ALG12: variants seen among roughly 807,000 people sequenced by gnomAD.
The protein encoded by ALG12 is ALG12 alpha-1,6-mannosyltransferase.
ALG12 carries 36 observed loss-of-function variants against 46.0 expected under a neutral mutation model. The ratio of observed to expected loss-of-function variants is 0.78; its 90% CI spans 0.60 to 1.03. ALG12 has a LOEUF of 1.03. ALG12 is among the 50% of genes least tolerant of loss of function. The pLI is 0.00. For missense variants in ALG12, 599 were observed against 633.5 expected (o/e 0.95, Z 0.58); for synonymous variants, 326 against 291.6 (o/e 1.12, Z -1.20).
Position 49,913,241 on chromosome 22 carries a change from C to G in ALG12, c.295+144G>C. 3 of 1,339,614 alleles carry G rather than the reference C, an allele frequency of 2.2e-6. No homozygotes were observed. The South Asian group carries it at 3.6e-5, about 16-fold the overall frequency. The allele number at this position is 1,339,614 out of a possible 1,614,324, so 83.0% of individuals were successfully genotyped here. A position where few individuals can be genotyped will look rare whatever the true frequency, so the allele number is the denominator to read the frequency against. On this transcript the variant is annotated intron_variant, in intron 3 of 9. Coordinates refer to ENST00000330817, the MANE Select transcript of ALG12 (RefSeq NM_024105.4). ...GTCTTAGGCCTGACCTGAGCACCTG[C>G]TCTGAGCCGCCATGCCACGGTGATC...
chr22:49,879,535 A>T, the ALG12 span, among the ~76,000 whole-genome samples: 16,998 of 149,100 alleles, frequency 0.11, 1,351 homozygotes, highest in African/African-American at 0.21. Flanking sequence ...CACTAATTTT[A>T]TTATTTGTCT....
At chr22:49,884,483 G>A in the ALG12 span, 2 of 1,614,198 alleles carry the variant, frequency 1.2e-6, no homozygotes, top group Non-Finnish European at 8.5e-7. Context: ...GCGGAGAAGA[G>A]CCTTCCACTT....
chr22:49,904,132 G>T (rs765136145), intron 9 of ALG12, 47 bp downstream of exon 9: 2 of 1,614,138 alleles, frequency 1.2e-6, no homozygotes, highest in Non-Finnish European at 1.7e-6. Context: ...GCCCCCAAGG[G>T]GCCCTCACAT....
At chr22:49,870,359 G>T in the ALG12 span, among the ~76,000 whole-genome samples, 2 of 152,182 alleles carry the variant, frequency 1.3e-5, no homozygotes, top group Non-Finnish European at 2.9e-5. Context: ...GCATCACTGG[G>T]TCCAATGGTA....
chr22:49,860,222 C>T, the ALG12 span, among the ~76,000 whole-genome samples: 4 of 151,932 alleles, frequency 2.6e-5, no homozygotes, highest in South Asian at 8.3e-4. Flanking sequence ...TCACTTGAGC[C>T]TGGGAGGTTG....
intron 3 of ALG12, among the ~76,000 whole-genome samples, chr22:49,911,710 A>G (rs1295030645): frequency 6.6e-6 from 1 of 152,200 alleles, no homozygotes; most frequent in Non-Finnish European, 1.5e-5. Flanking sequence ...CTGGGATTAC[A>G]GGCGTGAGCC....
intron 3 of ALG12, among the ~76,000 whole-genome samples, chr22:49,911,434 C>T (rs544184685): frequency 0.01 from 1,504 of 145,216 alleles, 16 homozygotes; most frequent in South Asian, 0.072. Context: ...CTGCAAATGT[C>T]TTTTTTTTTT....
intron 7 of ALG12, among the ~76,000 whole-genome samples, chr22:49,904,870 G>A (rs570550292): frequency 1.3e-5 from 2 of 152,198 alleles, no homozygotes; most frequent in South Asian, 2.1e-4. Context: ...CTCCCAAGTA[G>A]CTGGGACTAC....
chr22:49,878,014 TCATA>T, the ALG12 span, among the ~76,000 whole-genome samples: 2 of 152,170 alleles, frequency 1.3e-5, no homozygotes, highest in Non-Finnish European at 2.9e-5. Context: ...ATGTAAGTCT[TCATA>T]CAGAGGCCAG....
At chr22:49,876,016 C>G in the ALG12 span, among the ~76,000 whole-genome samples, 1 of 149,254 alleles carries the variant, frequency 6.7e-6, no homozygotes, top group Non-Finnish European at 1.5e-5. Flanking sequence ...ATTAAATTTG[C>G]TTTACTTTTG....
chr22:49,892,729 T>G, the ALG12 span, among the ~76,000 whole-genome samples: 99 of 152,316 alleles, frequency 6.5e-4, no homozygotes, highest in South Asian at 0.02. Context: ...CAGCCTTGAT[T>G]GCATCAGGGC....
downstream of ALG12, among the ~76,000 whole-genome samples, chr22:49,895,460 T>G (rs1601811653): frequency 6.6e-6 from 1 of 152,196 alleles, no homozygotes; most frequent in East Asian, 1.9e-4. Flanking sequence ...GAGACCAGCC[T>G]GGCCAACGTG....
At chr22:49,882,843 G>C in the ALG12 span, among the ~76,000 whole-genome samples, 1 of 152,340 alleles carries the variant, frequency 6.6e-6, no homozygotes, top group East Asian at 1.9e-4. Context: ...TCAGATGCAG[G>C]AGCCACTGTG....
the ALG12 span, among the ~76,000 whole-genome samples, chr22:49,874,978 C>T: frequency 1.2e-4 from 18 of 152,098 alleles, no homozygotes; most frequent in African/African-American, 3.6e-4. Flanking sequence ...CCACTGCACC[C>T]GGCCTGTTTT....
At chr22:49,913,313 G>A (rs888428456) in intron 3 of ALG12, 72 bp downstream of exon 3, 21 of 1,601,578 alleles carry the variant, frequency 1.3e-5, no homozygotes, top group African/African-American at 8.0e-5. Context: ...AGGAGGGACC[G>A]CGGCCTCGCT....
At chr22:49,917,935 A>C in intron 1 of ALG12, among the ~76,000 whole-genome samples, 1 of 149,500 alleles carries the variant, frequency 6.7e-6, no homozygotes, top group Non-Finnish European at 1.5e-5. Flanking sequence ...CCCATCCCCC[A>C]GGTGGGAGGT....
At chr22:49,871,758 T>TTTA in the ALG12 span, among the ~76,000 whole-genome samples, 80,591 of 119,586 alleles carry the variant, frequency 0.67, 25,404 homozygotes, top group East Asian at 0.78. Context: ...TATTTATTTA[T>TTTA]TTTTTTTTTT....
downstream of ALG12, among the ~76,000 whole-genome samples, chr22:49,897,488 G>C (rs1275752834): frequency 3.3e-5 from 5 of 152,100 alleles, no homozygotes; most frequent in Non-Finnish European, 7.4e-5. Flanking sequence ...CCAGCACTTG[G>C]CATTATCCAT....
Position 49,902,278 on chromosome 22 carries a change from C to CTG in ALG12, c.*1558_*1559dup, listed in dbSNP as rs140986727. 0.15 allele frequency: 12,220 copies of CTG among 82,678 alleles called. 2,472 individuals carry two copies. Among genetic ancestry groups the CTG allele is most frequent in the African/African-American group, 0.54 (3,912 of 7,182 alleles). 5.1% of individuals were successfully genotyped at this position (82,678 alleles called of 1,614,324 possible). ...TATGCATGGTGTGTGCATGTGTGCA[C>CTG]TGTATGCATAGTGTGCACGTGTGCA... On this transcript the variant is annotated 3_prime_UTR_variant, in exon 10 of 10. Transcript: ENST00000330817.
Sources: allele counts gnomAD v4.1 joint callset (sites outside exome capture counted in the v4.1 genomes callset), GRCh38; gene constraint gnomAD v4.1.1; transcripts MANE v1.5; gene names NCBI Gene and HGNC (gene_info 2026-07-23, HGNC 2026-07-21).